The following GRHL2 variants were observed in gnomAD, a reference collection of about 807,000 sequenced individuals.
The protein encoded by GRHL2 is grainyhead like transcription factor 2.
GRHL2 carries 21 observed loss-of-function variants against 83.8 expected under a neutral mutation model. The observed-to-expected ratio is 0.25, with a 90% CI of 0.18 to 0.36. The LOEUF (loss-of-function observed/expected upper bound fraction) is 0.36. GRHL2 is among the 10% of genes least tolerant of loss of function. The pLI, the probability that GRHL2 is intolerant of heterozygous loss-of-function variation, is 1.00. For missense variants in GRHL2, 623 were observed against 781.8 expected, an observed-to-expected ratio of 0.80 and a Z score of 2.42; for synonymous variants, 280 against 278.9, an observed-to-expected ratio of 1.00 and a Z score of -0.04.
chr8:101,635,225 G>A (rs1813262961), intron 11 of GRHL2, among the ~76,000 whole-genome samples: 1 of 152,090 alleles, frequency 6.6e-6, no homozygotes, highest in African/African-American at 2.4e-5. Context: ...GTAAGTTCCA[G>A]GAATTTTTAT....
rs1448673025 is a variant in GRHL2, at chr8:101,615,345, A to G, written c.1099-4194A>G. 2.0e-5 allele frequency among the ~76,000 whole-genome samples: 3 copies of G among 152,182 alleles called. No individual in the cohort carries two copies. The East Asian group carries it at 5.8e-4, about 29-fold the overall frequency. Reference sequence around the variant, plus strand: ...TTGAGCTGATAAGGCCACATTTAATATTGCTTCCTGCCTGTCTGAGTGTAT... The same window carrying G: ...TTGAGCTGATAAGGCCACATTTAATGTTGCTTCCTGCCTGTCTGAGTGTAT... On this transcript the variant is annotated intron_variant, in intron 8 of 15. Transcript: ENST00000646743.
downstream of GRHL2, among the ~76,000 whole-genome samples, chr8:101,671,405 G>A (rs558102485): frequency 8.5e-5 from 13 of 152,300 alleles, 1 homozygote; most frequent in South Asian, 1.2e-3. Context: ...ATGGAGTCTC[G>A]CTGATTGCTA....
chr8:101,551,676 A>G (rs1685013046), intron 2 of GRHL2, among the ~76,000 whole-genome samples: 1 of 150,576 alleles, frequency 6.6e-6, no homozygotes, highest in African/African-American at 2.4e-5. Context: ...CAATCAACCA[A>G]CCCAATTGAA....
the GRHL2 span, among the ~76,000 whole-genome samples, chr8:101,678,700 G>C: frequency 1.3e-5 from 2 of 151,732 alleles, no homozygotes; most frequent in Non-Finnish European, 2.9e-5. Flanking sequence ...GCTTTGAAGA[G>C]AGCAGTGGTT....
intron 3 of GRHL2, among the ~76,000 whole-genome samples, chr8:101,554,179 C>A (rs949725548): frequency 6.6e-6 from 1 of 152,156 alleles, no homozygotes; most frequent in African/African-American, 2.4e-5. Context: ...GGGCGCAACC[C>A]CAGCAGAACA....
chr8:101,680,771 C>T, the GRHL2 span, among the ~76,000 whole-genome samples: 5 of 128,386 alleles, frequency 3.9e-5, no homozygotes, highest in African/African-American at 9.6e-5. Flanking sequence ...GATTAAGAAT[C>T]TCACTCAAAG....
intron 14 of GRHL2, among the ~76,000 whole-genome samples, chr8:101,650,194 G>A (rs1414255004): frequency 6.6e-6 from 1 of 152,162 alleles, no homozygotes; most frequent in African/African-American, 2.4e-5. Context: ...AAAATTGTTG[G>A]TTGGTTTGGA....
chr8:101,544,361 T>C (rs1241339748), intron 2 of GRHL2, among the ~76,000 whole-genome samples: 1 of 152,218 alleles, frequency 6.6e-6, no homozygotes. Context: ...GTAGTAAATT[T>C]TTATTTTGAA....
chr8:101,512,010 T>G (rs1014572474), intron 1 of GRHL2, among the ~76,000 whole-genome samples: 1 of 152,242 alleles, frequency 6.6e-6, no homozygotes, highest in Non-Finnish European at 1.5e-5. Context: ...TTAAGACTAT[T>G]TTTTAACTCT....
chr8:101,635,491 G>A (rs1350598476), intron 11 of GRHL2, among the ~76,000 whole-genome samples: 1 of 152,192 alleles, frequency 6.6e-6, no homozygotes, highest in East Asian at 1.9e-4. Context: ...CCAGCAGTCA[G>A]GCCAGATAGA....
At chr8:101,496,548 G>T (rs1337536397) in intron 1 of GRHL2, among the ~76,000 whole-genome samples, 3 of 152,136 alleles carry the variant, frequency 2.0e-5, no homozygotes, top group Non-Finnish European at 4.4e-5. Flanking sequence ...GTCCCTGCCT[G>T]CATGGTGCTT....
At chr8:101,587,992 TGAGGTTGTA>T (rs1812202720) in intron 7 of GRHL2, among the ~76,000 whole-genome samples, 1 of 152,236 alleles carries the variant, frequency 6.6e-6, no homozygotes, top group Non-Finnish European at 1.5e-5. Context: ...TTAAACTCTT[TGAGGTTGTA>T]GAAGCCAAAA....
At chr8:101,596,822 C>T (rs1033396448) in intron 7 of GRHL2, among the ~76,000 whole-genome samples, 2 of 152,160 alleles carry the variant, frequency 1.3e-5, no homozygotes, top group African/African-American at 4.8e-5. Context: ...TGTTCATGGT[C>T]TCTGACTTTC....
At position 101,587,483 on chromosome 8, in the gene GRHL2, A is replaced by G. The variant is rs182340040; in HGVS notation, c.1003+9964A>G. On this transcript the variant is annotated intron_variant, in intron 7 of 15. Transcript: ENST00000646743. Reference sequence around the variant, plus strand: ...GCTGTGTTTAGTGCTATACAATGCTATATTTCCTATCTGTCATTTTTTTAA... The same window carrying G: ...GCTGTGTTTAGTGCTATACAATGCTGTATTTCCTATCTGTCATTTTTTTAA... Among the ~76,000 whole-genome samples, 24 of 152,342 alleles carry G rather than the reference A, an allele frequency of 1.6e-4. No individual in the cohort carries two copies. In the East Asian group the frequency reaches 4.0e-3, roughly 26 times the overall value.
intron 12 of GRHL2, among the ~76,000 whole-genome samples, chr8:101,641,052 G>A (rs1035862444): frequency 7.9e-5 from 12 of 152,088 alleles, no homozygotes; most frequent in Non-Finnish European, 1.8e-4. Context: ...GGGGCCTACT[G>A]ACCTAGTCAT....
chr8:101,524,847 C>T (rs1262050363), intron 1 of GRHL2, among the ~76,000 whole-genome samples: 2 of 151,832 alleles, frequency 1.3e-5, no homozygotes, highest in Non-Finnish European at 2.9e-5. Context: ...GTAGGGTTAA[C>T]CCATTTTCAT....
chr8:101,631,786 G>A, intron 10 of GRHL2, 62 bp downstream of exon 10: 1 of 1,323,998 alleles, frequency 7.6e-7, no homozygotes, highest in Non-Finnish European at 1.1e-6. Flanking sequence ...GTCCACTGGG[G>A]GAACAGGTGG....
At chr8:101,509,109 CCTTCCTTCCTT>C (rs1810399117) in intron 1 of GRHL2, among the ~76,000 whole-genome samples, 1 of 42,162 alleles carries the variant, frequency 2.4e-5, no homozygotes, top group African/African-American at 8.0e-5. Flanking sequence ...TTCTTTCTCT[CCTTCCTTCCTT>C]CCTTCCTTCC....
At chr8:101,677,973 A>T in the GRHL2 span, among the ~76,000 whole-genome samples, 1 of 152,128 alleles carries the variant, frequency 6.6e-6, no homozygotes. Context: ...TGACTTACAA[A>T]ACATAAGACT....
Sources: gnomAD v4.1 joint callset for allele counts (sites outside exome capture counted in the v4.1 genomes callset) on GRCh38, gnomAD v4.1.1 for gene constraint, MANE v1.5 for transcripts, NCBI Gene and HGNC (gene_info 2026-07-23, HGNC 2026-07-21) for gene names.